Variants in ZNF875 observed in about 807,000 individuals in gnomAD.
ZNF875 encodes the protein HKR1, GLI-Kruppel zinc finger family member.
ZNF875 carries 14 observed loss-of-function variants against 11.2 expected under a neutral mutation model. The observed-to-expected ratio is 1.26, with a 90% confidence interval of 0.83 to 1.96. The LOEUF (loss-of-function observed/expected upper bound fraction) is 1.96, where lower values mean the gene tolerates loss of function less well. Among genes scored for constraint, ZNF875 ranks in the 30% most tolerant of loss-of-function variants. The probability of loss-of-function intolerance (pLI) is 0.00; values close to 1 mark genes in which losing one functional copy is unlikely to be tolerated. For missense variants in ZNF875, 752 were observed against 760.4 expected (o/e 0.99, Z 0.13); for synonymous variants, 301 against 281.1 (o/e 1.07, Z -0.71).
At chr19:37,350,746 A>C (rs560546287) in intron 4 of ZNF875, among the ~76,000 whole-genome samples, 1 of 150,112 alleles carries the variant, frequency 6.7e-6, no homozygotes, top group Non-Finnish European at 1.5e-5. Flanking sequence ...CTTCCCTCCA[A>C]TCTTAACCCC....
At chr19:37,326,895 T>A (rs2032545584) in intron 4 of ZNF875, among the ~76,000 whole-genome samples, 1 of 151,980 alleles carries the variant, frequency 6.6e-6, no homozygotes, top group Non-Finnish European at 1.5e-5. Flanking sequence ...CTTGAACTCT[T>A]GACCTCAAGT....
intron 4 of ZNF875, chr19:37,359,409 C>CTTT (rs71177443): frequency 4.9e-4 from 93 of 188,880 alleles, no homozygotes; most frequent in Middle Eastern, 2.3e-3. Context: ...ATAGTCTTTT[C>CTTT]TTTTTTTTTT....
At chr19:37,357,539 C>G (rs1883504616) in intron 4 of ZNF875, among the ~76,000 whole-genome samples, 1 of 152,074 alleles carries the variant, frequency 6.6e-6, no homozygotes, top group Non-Finnish European at 1.5e-5. Context: ...TCGCAGAGAC[C>G]TTTCACCTCT....
Position 37,319,048 on chromosome 19 carries a change from AT to A in ZNF875, c.-747+877del, listed in dbSNP as rs752095085. Among the ~76,000 whole-genome samples, 503 of 138,270 alleles carry A rather than the reference AT, an allele frequency of 3.6e-3. 2 individuals carry two copies. Among genetic ancestry groups the A allele is most frequent in the Middle Eastern group, 0.015 (4 of 268 alleles). 90.7% of individuals were successfully genotyped at this position (138,270 alleles called of 152,430 possible). On this transcript the variant is annotated intron_variant, in intron 1 of 5. Coordinates refer to the ZNF875 transcript ENST00000544914. ...TTTATGAACTATAATGCTGGTTTAG[AT>A]TTTTTTTTTTTTTTGAGACGGAGTT...
At chr19:37,359,827 C>G (rs1456531145) in intron 4 of ZNF875, 2 of 155,214 alleles carry the variant, frequency 1.3e-5, no homozygotes, top group East Asian at 3.8e-4. Flanking sequence ...ATTCTAGACA[C>G]AAGTCCTATA....
chr19:37,338,247 C>T (rs1480348206), intron 2 of ZNF875, among the ~76,000 whole-genome samples: 2 of 152,234 alleles, frequency 1.3e-5, no homozygotes, highest in African/African-American at 2.4e-5. Flanking sequence ...CTCAGCCTCC[C>T]GAGTAGCTGG....
At chr19:37,316,558 C>A (rs145542381), upstream of ZNF875, among the ~76,000 whole-genome samples, 4 of 151,578 alleles carry the variant, frequency 2.6e-5, no homozygotes, top group African/African-American at 9.7e-5. Context: ...TTAGTAGAGA[C>A]GGAGTTTCAC....
intron 2 of ZNF875, among the ~76,000 whole-genome samples, chr19:37,345,597 A>T (rs751062184): frequency 6.6e-6 from 1 of 151,880 alleles, no homozygotes; most frequent in Non-Finnish European, 1.5e-5. Context: ...CGGCTGATAG[A>T]CCCCCAGCAT....
At chr19:37,321,267 A>G (rs1193670095) in intron 1 of ZNF875, among the ~76,000 whole-genome samples, 1 of 152,176 alleles carries the variant, frequency 6.6e-6, no homozygotes, top group Non-Finnish European at 1.5e-5. Flanking sequence ...AGATAAGAGG[A>G]AGGCATCTGT....
At chr19:37,344,674 T>G in intron 2 of ZNF875, 1 of 1,613,236 alleles carries the variant, frequency 6.2e-7, no homozygotes, top group Non-Finnish European at 8.5e-7. Context: ...GGGAGAGATT[T>G]GGAGTGAATC....
At chr19:37,320,162 A>G (rs1568559188) in intron 1 of ZNF875, among the ~76,000 whole-genome samples, 1 of 152,106 alleles carries the variant, frequency 6.6e-6, no homozygotes, top group African/African-American at 2.4e-5. Context: ...AGTGTAAACC[A>G]CCGCACCCGG....
intron 1 of ZNF875, among the ~76,000 whole-genome samples, chr19:37,319,345 A>ATG (rs1491552591): frequency 9.6e-5 from 1 of 10,420 alleles, no homozygotes; most frequent in Admixed American, 1.2e-3. Context: ...TGCAGCCGGC[A>ATG]TATATATATA....
intron 1 of ZNF875, among the ~76,000 whole-genome samples, chr19:37,319,789 CCTCT>C (rs367724295): frequency 1.3e-5 from 2 of 152,068 alleles, no homozygotes; most frequent in Non-Finnish European, 2.9e-5. Context: ...CCATTTTTTT[CCTCT>C]CTCTCTTCTC....
At chr19:37,353,019 G>T (rs950168657) in intron 4 of ZNF875, among the ~76,000 whole-genome samples, 25 of 150,996 alleles carry the variant, frequency 1.7e-4, no homozygotes, top group African/African-American at 5.9e-4. Context: ...GACTAGGGGC[G>T]CACGCTACTA....
chr19:37,318,973 G>C (rs1310045314), intron 1 of ZNF875, among the ~76,000 whole-genome samples: 1 of 151,920 alleles, frequency 6.6e-6, no homozygotes, highest in Non-Finnish European at 1.5e-5. Context: ...CACGTATGTA[G>C]AGTAACTTTT....
At chr19:37,345,772 C>T (rs1348720080) in intron 2 of ZNF875, among the ~76,000 whole-genome samples, 1 of 151,958 alleles carries the variant, frequency 6.6e-6, no homozygotes, top group Non-Finnish European at 1.5e-5. Context: ...CAAATTAAAC[C>T]CCTCTATGGA....
At chr19:37,341,946 C>T (rs575448981) in intron 2 of ZNF875, among the ~76,000 whole-genome samples, 4 of 152,336 alleles carry the variant, frequency 2.6e-5, no homozygotes, top group African/African-American at 2.4e-5. Flanking sequence ...GGAGGCCTCT[C>T]CATTTTGAAC....
At chr19:37,361,455 C>T (rs1041175146) in intron 4 of ZNF875, among the ~76,000 whole-genome samples, 2 of 152,012 alleles carry the variant, frequency 1.3e-5, no homozygotes, top group African/African-American at 4.8e-5. Flanking sequence ...TTTTCCTTCT[C>T]CTCCTCCTCC....
chr19:37,326,434 C>T (rs2032451342), intron 4 of ZNF875, among the ~76,000 whole-genome samples: 1 of 152,194 alleles, frequency 6.6e-6, no homozygotes, highest in African/African-American at 2.4e-5. Context: ...AATTCCTTAA[C>T]ATCCTGCCTG....
Sources: gnomAD v4.1 joint callset for allele counts (sites outside exome capture counted in the v4.1 genomes callset) on GRCh38, gnomAD v4.1.1 for gene constraint, MANE v1.5 for transcripts, NCBI Gene and HGNC (gene_info 2026-07-23, HGNC 2026-07-21) for gene names.